The following IL31RA variants were observed in gnomAD, a reference collection of about 807,000 sequenced individuals.
IL31RA encodes the protein interleukin 31 receptor A, also known as interleukin-31 receptor subunit alpha.
IL31RA carries 66 observed loss-of-function variants against 83.7 expected under a neutral mutation model. The observed-to-expected ratio is 0.79, with a 90% CI of 0.65 to 0.97. IL31RA has a LOEUF of 0.97. IL31RA is among the 50% of genes least tolerant of loss of function. The probability of loss-of-function intolerance (pLI) is 0.00; values close to 1 mark genes in which losing one functional copy is unlikely to be tolerated. For synonymous variants in IL31RA, 325 were observed against 329.0 expected (o/e 0.99, Z 0.13); for missense variants, 798 against 919.4 (o/e 0.87, Z 1.71).
intron 8 of IL31RA, among the ~76,000 whole-genome samples, chr5:55,901,623 A>ATTC (rs1214527655): frequency 1.7e-5 from 2 of 115,896 alleles, no homozygotes; most frequent in East Asian, 4.5e-4. Flanking sequence ...TATTATTATT[A>ATTC]TTAATTTTTG....
intron 6 of IL31RA, among the ~76,000 whole-genome samples, chr5:55,893,173 G>T (rs770810709): frequency 8.5e-5 from 13 of 152,152 alleles, no homozygotes; most frequent in South Asian, 2.1e-4. Flanking sequence ...CTCACTACAT[G>T]ATACAGAAAT....
At chr5:55,841,093 T>C in the IL31RA span, among the ~76,000 whole-genome samples, 2 of 152,208 alleles carry the variant, frequency 1.3e-5, no homozygotes, top group African/African-American at 4.8e-5. Context: ...TGGTTGTCAG[T>C]AGAACTGTGC....
At chr5:55,846,115 G>A in the IL31RA span, among the ~76,000 whole-genome samples, 1 of 152,204 alleles carries the variant, frequency 6.6e-6, no homozygotes, top group African/African-American at 2.4e-5. Context: ...CTGGGGAGCT[G>A]TGATTCTCTG....
Position 55,917,142 on chromosome 5 carries a change from C to T in IL31RA, c.*22C>T, listed in dbSNP as rs779950634. 6.2e-7 allele frequency: 1 copy of T among 1,613,758 alleles called. No individual in the cohort carries two copies. The highest frequency in any genetic ancestry group is 8.5e-7 in the Non-Finnish European group (1 of 1,180,038). ...CTAAATGCGACCATAGCATGAGACC[C>T]TCGGGGCCTCAGTGTGGATGGCCCT... On this transcript the variant is annotated 3_prime_UTR_variant, in exon 15 of 15. Transcript: ENST00000652347.
At position 55,908,249 on chromosome 5, in the gene IL31RA, C is replaced by A. The variant is rs754332078; in HGVS notation, c.1355-16C>A. The A allele has an allele frequency of 2.5e-6, 4 of 1,613,830 alleles. No homozygotes were observed. The African/African-American group carries it at 5.3e-5, about 22-fold the overall frequency. Reference sequence around the variant, plus strand: ...TGCGGTTCAGTGATTATCATTTATCCCTCTGTCCTTTCCAGTTCCATCAGA... The same window carrying A: ...TGCGGTTCAGTGATTATCATTTATCACTCTGTCCTTTCCAGTTCCATCAGA... On this transcript the variant is annotated splice_polypyrimidine_tract_variant and intron_variant, in intron 10 of 14. Coordinates refer to ENST00000652347, the MANE Select transcript of IL31RA (RefSeq NM_139017.7).
rs35672011 is a variant in IL31RA at position 55,891,761 on chromosome 5, A to ATTTTTTTTTTTTTTTTTTTTTT, written c.772+1637_772+1658dup. Among the ~76,000 whole-genome samples the ATTTTTTTTTTTTTTTTTTTTTT allele has an allele frequency of 3.3e-5, 2 of 60,030 alleles. 1 individual carries two copies. The highest frequency in any genetic ancestry group is 5.8e-5 in the Non-Finnish European group (2 of 34,712). The allele number at this position is 60,030 out of a possible 152,430, so 39.4% of individuals were successfully genotyped here. ...TACAGGTTCCAGGGATTTGGACAAGATTTTTTTTTTTTTTTTTTTTTTTTT... is the reference window on the plus strand; with the variant it reads ...TACAGGTTCCAGGGATTTGGACAAGATTTTTTTTTTTTTTTTTTTTTTTTTTTTTTTTTTTTTTTTTTTTTTT... On this transcript the variant is annotated intron_variant, in intron 6 of 14. Transcript: ENST00000652347.
At chr5:55,850,603 T>A (rs958784873), upstream of IL31RA, among the ~76,000 whole-genome samples, 22 of 152,318 alleles carry the variant, frequency 1.4e-4, no homozygotes, top group East Asian at 3.1e-3. Context: ...TTCTTTCAAG[T>A]TTTTTCCCCC....
chr5:55,864,113 G>A (rs931962993), intron 2 of IL31RA, among the ~76,000 whole-genome samples: 2 of 152,136 alleles, frequency 1.3e-5, no homozygotes, highest in Non-Finnish European at 2.9e-5. Flanking sequence ...ACTATTCTGG[G>A]GAAATGGGGA....
At chr5:55,899,053 A>C (rs1407023518) in intron 7 of IL31RA, among the ~76,000 whole-genome samples, 1 of 152,126 alleles carries the variant, frequency 6.6e-6, no homozygotes, top group Non-Finnish European at 1.5e-5. Context: ...AATAAAATAG[A>C]AAATGGGTCG....
At chr5:55,912,827 CA>C (rs754187799) in intron 12 of IL31RA, among the ~76,000 whole-genome samples, 22 of 151,514 alleles carry the variant, frequency 1.5e-4, no homozygotes, top group Non-Finnish European at 2.7e-4. Context: ...ATTAGCTGGG[CA>C]TGATGGCTTG....
rs1462499673 is a variant in IL31RA, at chr5:55,851,450, A to G, written c.-121A>G. The stretch of plus-strand genomic sequence containing the variant: ...CAAAATCACTCATAAAAGGCAAAAA[A>G]TTGCAAAAAAAAATAGTAATAACCA... On this transcript the variant is annotated 5_prime_UTR_variant, in exon 1 of 15. Coordinates refer to ENST00000652347, the MANE Select transcript of IL31RA (RefSeq NM_139017.7). The G allele has an allele frequency of 1.9e-5, 30 of 1,596,768 alleles. No individual in the cohort carries two copies. The highest frequency in any genetic ancestry group is 2.2e-5 in the East Asian group (1 of 44,564).
At chr5:55,910,801 C>T in intron 12 of IL31RA, 129 bp downstream of exon 12, 2 of 1,028,684 alleles carry the variant, frequency 1.9e-6, no homozygotes, top group Non-Finnish European at 3.1e-6. Context: ...CCATCCTGCT[C>T]TCTGTTCACC....
At chr5:55,885,086 G>T (rs1747498495) in intron 5 of IL31RA, among the ~76,000 whole-genome samples, 1 of 152,092 alleles carries the variant, frequency 6.6e-6, no homozygotes, top group Non-Finnish European at 1.5e-5. Context: ...CCCCTCCTTT[G>T]GATATGGTCA....
intron 7 of IL31RA, among the ~76,000 whole-genome samples, chr5:55,898,773 C>G (rs1170645520): frequency 6.6e-6 from 1 of 151,824 alleles, no homozygotes; most frequent in Non-Finnish European, 1.5e-5. Flanking sequence ...CCGGTAATCC[C>G]AGCACTTTGG....
At chr5:55,871,541 T>G (rs1279067894) in intron 3 of IL31RA, among the ~76,000 whole-genome samples, 1 of 152,152 alleles carries the variant, frequency 6.6e-6, no homozygotes, top group East Asian at 1.9e-4. Context: ...ATCTAATCTA[T>G]CATCTATCTA....
intron 4 of IL31RA, among the ~76,000 whole-genome samples, chr5:55,882,517 T>C (rs1747303918): frequency 6.6e-6 from 1 of 152,224 alleles, no homozygotes; most frequent in Non-Finnish European, 1.5e-5. Flanking sequence ...TTTTTAGTTT[T>C]TCTTTGTATT....
intron 4 of IL31RA, among the ~76,000 whole-genome samples, chr5:55,875,962 T>C (rs1746820796): frequency 6.6e-6 from 1 of 152,178 alleles, no homozygotes. Flanking sequence ...AATCCTTTAA[T>C]GAAAGCATTT....
rs1030209973 is a variant in IL31RA, at chr5:55,920,670, C to T, written c.*3550C>T. Among the ~76,000 whole-genome samples, 2 of 152,214 alleles carry T rather than the reference C, an allele frequency of 1.3e-5. No individual in the cohort carries two copies. The highest frequency in any genetic ancestry group is 2.9e-5 in the Non-Finnish European group (2 of 68,040). On this transcript the variant is annotated 3_prime_UTR_variant, in exon 15 of 15. Transcript: ENST00000652347. ...ACCCACAGACATGAAACTCAGACTG[C>T]CACTATGTTTCAACTTTGAATTAGC...
chr5:55,858,557 C>G (rs1280889934), intron 1 of IL31RA, among the ~76,000 whole-genome samples: 1 of 152,078 alleles, frequency 6.6e-6, no homozygotes, highest in Non-Finnish European at 1.5e-5. Context: ...AATGTTATCC[C>G]TCTAATTTTC....
Sources: gnomAD v4.1 joint callset for allele counts (sites outside exome capture counted in the v4.1 genomes callset) on GRCh38, gnomAD v4.1.1 for gene constraint, MANE v1.5 for transcripts, NCBI Gene and HGNC (gene_info 2026-07-23, HGNC 2026-07-21) for gene names.